The following MACO1 variants were observed in gnomAD, a reference collection of about 807,000 sequenced individuals.
The protein encoded by MACO1 is macoilin.
MACO1 carries 14 observed loss-of-function variants against 78.7 expected under a neutral mutation model. The ratio of observed to expected loss-of-function variants is 0.18; its 90% CI spans 0.12 to 0.28. The LOEUF is 0.28. Ranked by LOEUF, MACO1 falls within the 10% of genes least tolerant of loss-of-function variation. The pLI, the probability that MACO1 is intolerant of heterozygous loss-of-function variation, is 1.00. For synonymous variants in MACO1, 288 were observed against 291.6 expected, an observed-to-expected ratio of 0.99 and a Z score of 0.12; for missense variants, 501 against 799.0, an observed-to-expected ratio of 0.63 and a Z score of 4.50.
rs1345730156 is a variant in MACO1, at chr1:25,499,752, A to G, written c.*1286A>G. The G allele has an allele frequency of 6.6e-6, 1 of 152,140 alleles. No individual in the cohort carries two copies. Among genetic ancestry groups the G allele is most frequent in the African/African-American group, 2.4e-5 (1 of 41,418 alleles). 9.4% of individuals were successfully genotyped at this position (152,140 alleles called of 1,614,324 possible). On this transcript the variant is annotated 3_prime_UTR_variant, in exon 11 of 11. Coordinates refer to ENST00000374343, the MANE Select transcript of MACO1 (RefSeq NM_018202.6). ...TATTTGGAAACTAGGAAAAATTAAG[A>G]AACCAAATAAATTGGTTTTGCTTCC...
chr1:25,478,137 C>T (rs1206162332), intron 6 of MACO1, among the ~76,000 whole-genome samples: 2 of 152,164 alleles, frequency 1.3e-5, no homozygotes, highest in African/African-American at 4.8e-5. Flanking sequence ...CCCAGCTACT[C>T]AGGAGGCTGA....
At chr1:25,466,722 A>G (rs1180425931) in intron 6 of MACO1, among the ~76,000 whole-genome samples, 1 of 152,168 alleles carries the variant, frequency 6.6e-6, no homozygotes, top group Non-Finnish European at 1.5e-5. Context: ...TGCAAATGTT[A>G]TACTTTCAGT....
chr1:25,495,063 C>T (rs969672023), intron 10 of MACO1, among the ~76,000 whole-genome samples: 1 of 152,214 alleles, frequency 6.6e-6, no homozygotes, highest in Non-Finnish European at 1.5e-5. Context: ...CCCAGGAATC[C>T]TGCTTTGAAG....
chr1:25,478,682 A>G (rs550756743), intron 6 of MACO1, among the ~76,000 whole-genome samples: 1 of 152,342 alleles, frequency 6.6e-6, no homozygotes, highest in Non-Finnish European at 1.5e-5. Context: ...TTTTGAAATT[A>G]TCAGTAAAGT....
chr1:25,439,037 CT>C (rs2042944530), intron 1 of MACO1, among the ~76,000 whole-genome samples: 1 of 152,002 alleles, frequency 6.6e-6, no homozygotes, highest in Admixed American at 6.5e-5. Context: ...CAGCAATCAT[CT>C]TGGGGCAGGA....
chr1:25,498,684 G>C lies in MACO1; in HGVS notation c.*218G>C. On this transcript the variant is annotated 3_prime_UTR_variant, in exon 11 of 11. Coordinates refer to ENST00000374343, the MANE Select transcript of MACO1 (RefSeq NM_018202.6). ...TTAGAAGACCTCACAGAACTTTACAGTTTATTTTTCTCGGCCAACACATTA... is the reference window on the plus strand; with the variant it reads ...TTAGAAGACCTCACAGAACTTTACACTTTATTTTTCTCGGCCAACACATTA... 1 of 445,448 alleles carries C rather than the reference G, an allele frequency of 2.2e-6. No homozygotes were observed. Among genetic ancestry groups the C allele is most frequent in the Non-Finnish European group, 3.9e-6 (1 of 257,342 alleles). 27.6% of individuals were successfully genotyped at this position (445,448 alleles called of 1,614,324 possible). A position where few individuals can be genotyped will look rare whatever the true frequency, so the allele number is the denominator to read the frequency against.
At chr1:25,489,774 T>A (rs1009679522) in intron 9 of MACO1, among the ~76,000 whole-genome samples, 2 of 152,192 alleles carry the variant, frequency 1.3e-5, no homozygotes, top group Non-Finnish European at 2.9e-5. Context: ...AGCCAAATAT[T>A]TGTCATTTAA....
intron 2 of MACO1, among the ~76,000 whole-genome samples, chr1:25,447,552 G>T (rs1410772125): frequency 6.6e-6 from 1 of 152,086 alleles, no homozygotes; most frequent in Non-Finnish European, 1.5e-5. Flanking sequence ...TAGAAGAGTG[G>T]CTCCATTTTT....
chr1:25,441,812 G>GTA (rs2042975591), intron 1 of MACO1, among the ~76,000 whole-genome samples: 1 of 152,174 alleles, frequency 6.6e-6, no homozygotes, highest in Non-Finnish European at 1.5e-5. Flanking sequence ...TTGTACTTAG[G>GTA]TAGGGATCTT....
chr1:25,433,819 T>G (rs1162945738), intron 1 of MACO1, among the ~76,000 whole-genome samples: 1 of 152,254 alleles, frequency 6.6e-6, no homozygotes, highest in Non-Finnish European at 1.5e-5. Context: ...GCTTTATAAA[T>G]CCTAGTGTAG....
rs369580446 is a variant in MACO1, at chr1:25,493,425, T to C, written c.1792+1841T>C. On this transcript the variant is annotated intron_variant, in intron 10 of 10. Transcript: ENST00000374343. ...CCAGCTAATTTTTTTTTTTTCTGTT[T>C]TTTTTCTAGAGACGAGGTCTCACTT... 7.2e-5 allele frequency among the ~76,000 whole-genome samples: 11 copies of C among 151,806 alleles called. No individual in the cohort carries two copies. The East Asian group carries it at 1.4e-3, about 19-fold the overall frequency.
chr1:25,461,282 A>G (rs1230914643), intron 6 of MACO1, among the ~76,000 whole-genome samples: 1 of 152,130 alleles, frequency 6.6e-6, no homozygotes, highest in African/African-American at 2.4e-5. Context: ...TAATGGGTGC[A>G]GCACACCAAC....
intron 3 of MACO1, among the ~76,000 whole-genome samples, chr1:25,451,366 C>T (rs540468841): frequency 6.6e-6 from 1 of 152,120 alleles, no homozygotes; most frequent in East Asian, 1.9e-4. Context: ...TAAAACTGTA[C>T]GTACAATATG....
At chr1:25,450,669 A>C (rs2043057528) in intron 3 of MACO1, among the ~76,000 whole-genome samples, 2 of 151,934 alleles carry the variant, frequency 1.3e-5, no homozygotes, top group African/African-American at 2.4e-5. Context: ...GATTTTCTCC[A>C]TGTTTCACAC....
intron 1 of MACO1, among the ~76,000 whole-genome samples, chr1:25,432,266 A>G (rs1187956252): frequency 6.6e-6 from 1 of 152,222 alleles, no homozygotes; most frequent in East Asian, 1.9e-4. Flanking sequence ...TCTTAACATA[A>G]CTGTACACCT....
intron 6 of MACO1, 56 bp from the exon 7 acceptor site, chr1:25,484,060 C>A: frequency 6.5e-7 from 1 of 1,549,430 alleles, no homozygotes; most frequent in Middle Eastern, 1.8e-4. Flanking sequence ...CAGGTCCCTC[C>A]CAGCTCTGTG....
intron 6 of MACO1, among the ~76,000 whole-genome samples, chr1:25,460,975 C>T (rs921428251): frequency 7.9e-5 from 12 of 151,666 alleles, no homozygotes; most frequent in Admixed American, 3.3e-4. Context: ...ATAAGGGGAT[C>T]GATAGACTGG....
At chr1:25,462,224 G>A (rs1330309180) in intron 6 of MACO1, among the ~76,000 whole-genome samples, 1 of 152,142 alleles carries the variant, frequency 6.6e-6, no homozygotes, top group Non-Finnish European at 1.5e-5. Context: ...GCATACTTGG[G>A]GTGGTGCACA....
intron 4 of MACO1, 106 bp downstream of exon 4, chr1:25,454,488 A>ATATATATATATT (rs1441909435): frequency 0.023 from 1,647 of 71,564 alleles, 14 homozygotes; most frequent in Non-Finnish European, 0.042. Flanking sequence ...ATATATATAT[A>ATATATATATATT]TTTTTTTTTT....
Sources: gnomAD v4.1 joint callset for allele counts (sites outside exome capture counted in the v4.1 genomes callset) on GRCh38, gnomAD v4.1.1 for gene constraint, MANE v1.5 for transcripts, NCBI Gene and HGNC (gene_info 2026-07-23, HGNC 2026-07-21) for gene names.